Variants in DNAJB6 observed in about 807,000 individuals in gnomAD.
DNAJB6 encodes the protein DnaJ heat shock protein family (Hsp40) member B6.
DNAJB6 carries 16 observed loss-of-function variants against 42.7 expected under a neutral mutation model. The ratio of observed to expected loss-of-function variants is 0.37; its 90% CI spans 0.25 to 0.57. The LOEUF is 0.57. Ranked by LOEUF, DNAJB6 falls within the 20% of genes least tolerant of loss-of-function variation. The pLI, the probability that DNAJB6 is intolerant of heterozygous loss-of-function variation, is 0.74. For missense variants in DNAJB6, 347 were observed against 416.8 expected (o/e 0.83, Z 1.46); for synonymous variants, 170 against 163.5 (o/e 1.04, Z -0.30).
At chr7:157,384,067 T>G (rs1800926975) in intron 6 of DNAJB6, among the ~76,000 whole-genome samples, 1 of 152,204 alleles carries the variant, frequency 6.6e-6, no homozygotes, top group Admixed American at 6.5e-5. Context: ...TTCAGAGGTA[T>G]GCGTCATTTG....
At chr7:157,402,660 T>C (rs1024836006) in intron 8 of DNAJB6, among the ~76,000 whole-genome samples, 4 of 152,134 alleles carry the variant, frequency 2.6e-5, no homozygotes, top group African/African-American at 9.7e-5. Context: ...TAGCGATGTG[T>C]CTTGGGGACG....
chr7:157,400,228 G>A (rs1408583638), intron 8 of DNAJB6, among the ~76,000 whole-genome samples: 3 of 149,908 alleles, frequency 2.0e-5, no homozygotes, highest in East Asian at 2.0e-4. Flanking sequence ...CTGGGTCCCC[G>A]CGCCTTTGTG....
chr7:157,402,661 C>G (rs969596775), intron 8 of DNAJB6, among the ~76,000 whole-genome samples: 1 of 152,224 alleles, frequency 6.6e-6, no homozygotes. Context: ...AGCGATGTGT[C>G]TTGGGGACGT....
At chr7:157,338,928 G>C (rs891861035) in intron 1 of DNAJB6, among the ~76,000 whole-genome samples, 1 of 152,208 alleles carries the variant, frequency 6.6e-6, no homozygotes, top group Admixed American at 6.5e-5. Context: ...CCAGAGGGCA[G>C]AGCTCTTAAA....
chr7:157,355,184 C>T (rs749991116), intron 1 of DNAJB6, among the ~76,000 whole-genome samples: 2 of 152,218 alleles, frequency 1.3e-5, no homozygotes, highest in Non-Finnish European at 2.9e-5. Context: ...GAGATGGAGT[C>T]TCACTGTCGT....
intron 5 of DNAJB6, chr7:157,380,118 A>G (rs1190807652): frequency 6.6e-6 from 1 of 152,136 alleles, no homozygotes; most frequent in Non-Finnish European, 1.5e-5. Context: ...CCTCCCGGAA[A>G]TGCTTTTTAA....
intron 4 of DNAJB6, 71 bp from the exon 5 acceptor site, chr7:157,367,302 T>C: frequency 9.9e-7 from 1 of 1,008,438 alleles, no homozygotes; most frequent in East Asian, 2.4e-5. Flanking sequence ...TATAATGTTT[T>C]GTCAACAAAG....
intron 2 of DNAJB6, among the ~76,000 whole-genome samples, chr7:157,359,610 G>T (rs1799477295): frequency 1.3e-5 from 2 of 152,116 alleles, no homozygotes; most frequent in Non-Finnish European, 2.9e-5. Context: ...GGTCACTGGA[G>T]CCCAGGGGTT....
chr7:157,393,758 G>A (rs139339330), intron 8 of DNAJB6, among the ~76,000 whole-genome samples: 2 of 151,440 alleles, frequency 1.3e-5, no homozygotes, highest in African/African-American at 2.5e-5. Context: ...TGATCAGATC[G>A]GGGTGCATGT....
chr7:157,398,365 CCT>C (rs1001982050), intron 8 of DNAJB6, among the ~76,000 whole-genome samples: 113 of 152,274 alleles, frequency 7.4e-4, no homozygotes, highest in African/African-American at 2.6e-3. Context: ...GACTAACCCC[CCT>C]CTCTCCCCAA....
intron 6 of DNAJB6, among the ~76,000 whole-genome samples, chr7:157,384,423 G>T (rs1800946208): frequency 1.3e-5 from 2 of 152,152 alleles, no homozygotes; most frequent in South Asian, 4.1e-4. Context: ...ACAGTCTGTG[G>T]AGTTTACAAG....
Position 157,409,937 on chromosome 7 carries a change from G to A in DNAJB6, c.834G>A (p.Glu278=), listed in dbSNP as rs1376387690. ...GACACGCGCCTCACTGTCTCTCTGA[G>A]GAGGAGGGCGAGCAGGACCGACCTC... ...LLRHAPHCLS[E]EEGEQDRPRA... Residue 278 remains glutamate (E), a synonymous_variant, in exon 9 of 10, where the codon GAG becomes GAA. Coordinates refer to ENST00000262177, the MANE Select transcript of DNAJB6 (RefSeq NM_058246.4). The A allele has an allele frequency of 2.6e-5, 40 of 1,536,566 alleles. No individual in the cohort carries two copies. Among genetic ancestry groups the A allele is most frequent in the Non-Finnish European group, 3.4e-5 (39 of 1,145,888 alleles).
At chr7:157,365,701 G>A (rs370296558) in intron 3 of DNAJB6, among the ~76,000 whole-genome samples, 1 of 152,150 alleles carries the variant, frequency 6.6e-6, no homozygotes, top group South Asian at 2.1e-4. Context: ...AGTTTTGCTC[G>A]TTGCCCAGGC....
At chr7:157,369,867 CATT>C (rs1388595675) in intron 5 of DNAJB6, among the ~76,000 whole-genome samples, 3 of 150,470 alleles carry the variant, frequency 2.0e-5, no homozygotes, top group Admixed American at 6.6e-5. Context: ...CCCTTCTTCA[CATT>C]ATTATTAAAC....
At chr7:157,348,385 C>T (rs971397436) in intron 1 of DNAJB6, among the ~76,000 whole-genome samples, 7 of 152,158 alleles carry the variant, frequency 4.6e-5, no homozygotes, top group African/African-American at 7.2e-5. Context: ...TGAGCCACTG[C>T]GCCCAGTCTT....
chr7:157,406,556 G>A (rs1214484076), intron 8 of DNAJB6, among the ~76,000 whole-genome samples: 1 of 152,220 alleles, frequency 6.6e-6, no homozygotes, highest in Admixed American at 6.5e-5. Context: ...GGACCTGGCC[G>A]GGGGCGGAGT....
chr7:157,392,907 C>A (rs1364683508), intron 8 of DNAJB6, among the ~76,000 whole-genome samples: 2 of 152,138 alleles, frequency 1.3e-5, no homozygotes, highest in East Asian at 1.9e-4. Context: ...TATGGAAAAC[C>A]AGGAAGTCGG....
At chr7:157,348,888 T>C (rs1452698222) in intron 1 of DNAJB6, among the ~76,000 whole-genome samples, 1 of 152,198 alleles carries the variant, frequency 6.6e-6, no homozygotes, top group East Asian at 1.9e-4. Flanking sequence ...GAGCATACGC[T>C]GTTACTTGTG....
chr7:157,344,129 A>G (rs1415149763), intron 1 of DNAJB6, among the ~76,000 whole-genome samples: 1 of 152,186 alleles, frequency 6.6e-6, no homozygotes, highest in Non-Finnish European at 1.5e-5. Context: ...TCACAAGGTC[A>G]GGAGTTTGAG....
Sources: allele counts gnomAD v4.1 joint callset (sites outside exome capture counted in the v4.1 genomes callset), GRCh38; gene constraint gnomAD v4.1.1; transcripts MANE v1.5; gene names NCBI Gene and HGNC (gene_info 2026-07-23, HGNC 2026-07-21).